Variants in DPYD observed in about 807,000 individuals in gnomAD.
DPYD encodes dihydropyrimidine dehydrogenase, also known as dihydropyrimidine dehydrogenase [NADP(+)].
DPYD carries 109 observed loss-of-function variants against 116.2 expected under a neutral mutation model. The ratio of observed to expected loss-of-function variants is 0.94; its 90% CI spans 0.80 to 1.10. DPYD has a LOEUF of 1.10. DPYD is among the 50% of genes least tolerant of loss of function. The pLI is 0.00. For missense variants in DPYD, 1,302 were observed against 1,254.5 expected (o/e 1.04, Z -0.57); for synonymous variants, 440 against 432.0 (o/e 1.02, Z -0.23).
intron 10 of DPYD, chr1:97,586,140 T>C (rs1179714504): frequency 1.3e-5 from 2 of 152,680 alleles, no homozygotes; most frequent in Non-Finnish European, 2.9e-5. Flanking sequence ...ACTGGGCTAA[T>C]AGGACAACTA....
At chr1:97,833,783 G>GA (rs981487361) in intron 2 of DPYD, among the ~76,000 whole-genome samples, 7 of 151,802 alleles carry the variant, frequency 4.6e-5, no homozygotes, top group South Asian at 2.1e-4. Flanking sequence ...TGGTGAAATA[G>GA]AAAAAAATGT....
chr1:97,501,183 T>G (rs111454622), intron 13 of DPYD, among the ~76,000 whole-genome samples: 192 of 152,182 alleles, frequency 1.3e-3, no homozygotes, highest in African/African-American at 4.5e-3. Flanking sequence ...GTCCAATTAC[T>G]GAACTGTTTA....
intron 12 of DPYD, chr1:97,546,089 G>T: frequency 7.1e-7 from 1 of 1,416,624 alleles, no homozygotes; most frequent in East Asian, 2.3e-5. Flanking sequence ...TAGTTACAGT[G>T]CTGGTTAAGT....
chr1:97,355,934 T>C (rs1670406202), intron 16 of DPYD, among the ~76,000 whole-genome samples: 1 of 152,216 alleles, frequency 6.6e-6, no homozygotes, highest in Non-Finnish European at 1.5e-5. Context: ...TCAAATCTAT[T>C]GCATAAATAC....
chr1:97,848,700 T>G (rs567141519), intron 2 of DPYD, among the ~76,000 whole-genome samples: 23 of 152,326 alleles, frequency 1.5e-4, no homozygotes, highest in Non-Finnish European at 3.1e-4. Flanking sequence ...TATAATTAAG[T>G]ATAAGCAGAA....
At chr1:97,325,562 A>T (rs1668666572) in intron 16 of DPYD, among the ~76,000 whole-genome samples, 1 of 152,054 alleles carries the variant, frequency 6.6e-6, no homozygotes, top group Non-Finnish European at 1.5e-5. Flanking sequence ...TGGGTTTGGT[A>T]AAATAAACAG....
chr1:97,172,662 G>A (rs193014885), intron 20 of DPYD, among the ~76,000 whole-genome samples: 46 of 152,280 alleles, frequency 3.0e-4, no homozygotes, highest in Admixed American at 1.6e-3. Context: ...ATGTAAAAGC[G>A]AAACTCACAA....
intron 15 of DPYD, among the ~76,000 whole-genome samples, chr1:97,375,520 T>G (rs1370535091): frequency 6.6e-6 from 1 of 152,216 alleles, no homozygotes; most frequent in Non-Finnish European, 1.5e-5. Flanking sequence ...CCTAATCCGA[T>G]TTTAAAGGTC....
At chr1:97,736,586 G>A (rs4970727) in intron 4 of DPYD, among the ~76,000 whole-genome samples, 151,564 of 152,278 alleles carry the variant, frequency 1, 75,427 homozygotes, top group Middle Eastern at 1. Flanking sequence ...TCCACAGAAC[G>A]TCTTGTAACG....
intron 5 of DPYD, among the ~76,000 whole-genome samples, chr1:97,707,796 A>T (rs182341786): frequency 6.6e-6 from 1 of 151,842 alleles, no homozygotes; most frequent in Non-Finnish European, 1.5e-5. Flanking sequence ...TTCCATCTGT[A>T]TATCTTTCTT....
At chr1:97,509,852 G>A (rs1389735329) in intron 13 of DPYD, among the ~76,000 whole-genome samples, 1 of 151,826 alleles carries the variant, frequency 6.6e-6, no homozygotes, top group Non-Finnish European at 1.5e-5. Flanking sequence ...CAACAGCAAG[G>A]CATATCCAAA....
At chr1:97,302,276 C>T (rs549727450) in intron 18 of DPYD, among the ~76,000 whole-genome samples, 3 of 151,920 alleles carry the variant, frequency 2.0e-5, no homozygotes, top group Non-Finnish European at 2.9e-5. Flanking sequence ...AATCAGCCAT[C>T]CTTGTTTGAT....
At chr1:97,675,799 A>G (rs1261610336) in intron 8 of DPYD, among the ~76,000 whole-genome samples, 1 of 146,042 alleles carries the variant, frequency 6.8e-6, no homozygotes, top group Non-Finnish European at 1.5e-5. Flanking sequence ...AGGAGGCTGG[A>G]GTGCAGTGGT....
At chr1:97,759,968 G>A (rs1185105717) in intron 3 of DPYD, among the ~76,000 whole-genome samples, 3 of 152,160 alleles carry the variant, frequency 2.0e-5, no homozygotes, top group Non-Finnish European at 4.4e-5. Flanking sequence ...AAAACACGCA[G>A]AAAGGAATGG....
At chr1:97,532,014 T>C (rs1360241556) in intron 12 of DPYD, among the ~76,000 whole-genome samples, 1 of 152,100 alleles carries the variant, frequency 6.6e-6, no homozygotes, top group Non-Finnish European at 1.5e-5. Context: ...AGTTTTTGTG[T>C]GTGTGTGTGC....
At chr1:97,096,633 C>T (rs915124617) in intron 21 of DPYD, among the ~76,000 whole-genome samples, 2 of 152,086 alleles carry the variant, frequency 1.3e-5, no homozygotes, top group African/African-American at 4.8e-5. Context: ...CCAATCAGCA[C>T]TCTGTAAAAT....
chr1:97,423,360 G>A (rs1394941281), intron 14 of DPYD, among the ~76,000 whole-genome samples: 2 of 152,000 alleles, frequency 1.3e-5, no homozygotes, highest in East Asian at 1.9e-4. Flanking sequence ...GGAAAGAGGG[G>A]TGTGATTATG....
chr1:97,853,986 A>C (rs1670693024), intron 2 of DPYD, among the ~76,000 whole-genome samples: 1 of 152,192 alleles, frequency 6.6e-6, no homozygotes, highest in Non-Finnish European at 1.5e-5. Flanking sequence ...GAATTAAAAT[A>C]TTGCTTTGTC....
In DPYD at chr1:97,581,625, A is replaced by G. The variant is rs1156929366; in HGVS notation, c.1129-7655T>C. On this transcript the variant is annotated intron_variant, in intron 10 of 22. Transcript: ENST00000370192. ...GCCAGGTATGGTGGCATCTGCCTGT[A>G]GTCCCAGCTACTTGGAAGGCTGAGG... Among the ~76,000 whole-genome samples, 3 of 151,720 alleles carry G rather than the reference A, an allele frequency of 2.0e-5. No individual in the cohort carries two copies. In the East Asian group the frequency reaches 5.8e-4, roughly 30 times the overall value.
Sources: gnomAD v4.1 joint callset for allele counts (sites outside exome capture counted in the v4.1 genomes callset) on GRCh38, gnomAD v4.1.1 for gene constraint, MANE v1.5 for transcripts, NCBI Gene and HGNC (gene_info 2026-07-23, HGNC 2026-07-21) for gene names.